Variants in PPP4R3B observed in about 807,000 individuals in gnomAD.
The protein encoded by PPP4R3B is protein phosphatase 4 regulatory subunit 3B, also known as serine/threonine-protein phosphatase 4 regulatory subunit 3B.
PPP4R3B carries 52 observed loss-of-function variants against 95.4 expected under a neutral mutation model. The ratio of observed to expected loss-of-function variants is 0.54; its 90% confidence interval spans 0.44 to 0.69. The LOEUF (loss-of-function observed/expected upper bound fraction) is 0.69. PPP4R3B is among the 30% of genes least tolerant of loss of function. The pLI, the probability that PPP4R3B is intolerant of heterozygous loss-of-function variation, is 0.00. For synonymous variants in PPP4R3B, 407 were observed against 343.9 expected (o/e 1.18, Z -2.03); for missense variants, 1,003 against 1,005.9 (o/e 1.00, Z 0.04).
intron 7 of PPP4R3B, among the ~76,000 whole-genome samples, chr2:55,584,844 G>T (rs923176805): frequency 6.6e-6 from 1 of 152,042 alleles, no homozygotes; most frequent in East Asian, 1.9e-4. Context: ...TCTCAATATT[G>T]GTTTGAATAT....
At chr2:55,578,188 T>G (rs1688946348) in intron 10 of PPP4R3B, 59 bp downstream of exon 10, 1 of 1,304,744 alleles carries the variant, frequency 7.7e-7, no homozygotes, top group African/African-American at 1.5e-5. Context: ...TAATACCGTA[T>G]ATACACATCA....
In PPP4R3B at chr2:55,561,357, C is replaced by T. The variant is rs546002086; in HGVS notation, c.2261-2389G>A. ...GGGGCAGAGCTCTTATGAAGAACCT[C>T]TACTAGGGCAGTGCGGAAGGGAAAT... On this transcript the variant is annotated intron_variant, in intron 15 of 16. Coordinates refer to ENST00000616407, the MANE Select transcript of PPP4R3B (RefSeq NM_001122964.3). Among the ~76,000 whole-genome samples the T allele has an allele frequency of 1.3e-4, 20 of 152,356 alleles. 1 individual carries two copies. In the South Asian group the frequency reaches 4.1e-3, roughly 32 times the overall value.
intron 13 of PPP4R3B, 28 bp downstream of exon 13, chr2:55,568,166 T>A (rs1040689891): frequency 7.2e-7 from 1 of 1,396,078 alleles, no homozygotes; most frequent in African/African-American, 1.5e-5. Context: ...TAATTACATA[T>A]AATAACAGCT....
chr2:55,613,987 C>A (rs538427131), intron 2 of PPP4R3B, among the ~76,000 whole-genome samples: 1 of 152,248 alleles, frequency 6.6e-6, no homozygotes, highest in Admixed American at 6.5e-5. Context: ...GTATAGGAAA[C>A]ATCTTCAGGT....
intron 11 of PPP4R3B, among the ~76,000 whole-genome samples, chr2:55,576,261 T>C (rs1397426476): frequency 6.6e-6 from 1 of 151,636 alleles, no homozygotes; most frequent in Non-Finnish European, 1.5e-5. Context: ...AGGCGGGAGA[T>C]GGTTTGAACC....
At position 55,617,393 on chromosome 2, in the gene PPP4R3B, G is replaced by A; in HGVS notation, c.-108C>T. 7.6e-7 allele frequency: 1 copy of A among 1,309,518 alleles called. No homozygotes were observed. Among genetic ancestry groups the A allele is most frequent in the African/African-American group, 1.5e-5 (1 of 66,694 alleles). 81.1% of individuals were successfully genotyped at this position (1,309,518 alleles called of 1,614,324 possible). On this transcript the variant is annotated 5_prime_UTR_variant, in exon 1 of 17. Transcript: ENST00000616407. ...CAGTAGTGGCGGTGGCGGCGGCGGC[G>A]GCTTCGGAGAGGCCCGAATTCACCA... is the stretch of plus-strand genomic sequence containing the variant.
chr2:55,573,841 G>A (rs552246439), intron 11 of PPP4R3B, 64 bp from the exon 12 acceptor site: 2 of 887,898 alleles, frequency 2.3e-6, no homozygotes, highest in East Asian at 7.0e-5. Context: ...AATAAATAAA[G>A]CTTACATCCT....
At chr2:55,574,624 T>G (rs1005195403) in intron 11 of PPP4R3B, among the ~76,000 whole-genome samples, 2 of 151,728 alleles carry the variant, frequency 1.3e-5, no homozygotes, top group Non-Finnish European at 2.9e-5. Context: ...TACAGAGTCT[T>G]GCTCTGTCGC....
chr2:55,553,412 A>C (rs1685474653), intron 16 of PPP4R3B, among the ~76,000 whole-genome samples: 1 of 152,184 alleles, frequency 6.6e-6, no homozygotes, highest in African/African-American at 2.4e-5. Context: ...AAAGCAGGGC[A>C]CTACTCTCTA....
In PPP4R3B at chr2:55,615,492, C is replaced by G. The variant is rs1694762522; in HGVS notation, c.157G>C (p.Glu53Gln). 6.3e-6 allele frequency: 10 copies of G among 1,588,436 alleles called. No individual in the cohort carries two copies. The East Asian group carries it at 2.3e-4, about 36-fold the overall frequency. ...GCAGTATTTGGATTTATCTTTGATT[C>G]CAAGAGTAGTGATCCTGAAAGATAA... Reference protein sequence around the residue: ...RAESDGSLLLESKINPNTAYQ... With the variant: ...RAESDGSLLLQSKINPNTAYQ... The change falls in exon 2 of 17, where the codon GAA becomes CAA. Residue 53 changes from glutamate (E) to glutamine (Q), a missense_variant. By Grantham distance (29) the Glu-to-Gln change is conservative. Around this residue, in one of 3 missense-constraint regions of PPP4R3B, gnomAD observed 695 missense variants for 686.2 expected, o/e 1.01. Coordinates refer to ENST00000616407, the MANE Select transcript of PPP4R3B (RefSeq NM_001122964.3).
rs917519354 is a variant in PPP4R3B, at chr2:55,578,252, G to A, written c.1559C>T (p.Ser520Phe). The change falls in exon 10 of 17, where the codon TCT (serine) becomes TTT (phenylalanine). Residue 520 changes from serine to phenylalanine, a missense_variant. Physicochemically the swap from Ser to Phe is radical, Grantham distance 155 (BLOSUM62 -2). Around this residue, in one of 3 missense-constraint regions of PPP4R3B, gnomAD observed 695 missense variants for 686.2 expected, o/e 1.01. Transcript: ENST00000616407. ...ACACTCCAAATTCAGCATACCTTGA[G>A]AGATGGAGGAAGAGGGGGTAGAATG... ...HSHSTPSSSI[S>F]QDNIVGSNKN... is the part of the protein sequence containing the mutation. 20 of 1,458,728 alleles carry A rather than the reference G, an allele frequency of 1.4e-5. No homozygotes were observed. In the African/African-American group the frequency reaches 2.7e-4, roughly 20 times the overall value. 90.4% of individuals were successfully genotyped at this position (1,458,728 alleles called of 1,614,324 possible). A position where few individuals can be genotyped will look rare whatever the true frequency, so the allele number is the denominator to read the frequency against.
intron 12 of PPP4R3B, among the ~76,000 whole-genome samples, chr2:55,571,691 T>C (rs756488340): frequency 6.6e-6 from 1 of 152,210 alleles, no homozygotes; most frequent in Non-Finnish European, 1.5e-5. Flanking sequence ...AGTGTTGCGA[T>C]TTCAGCTCAC....
intron 14 of PPP4R3B, 78 bp from the exon 15 acceptor site, chr2:55,564,575 A>G: frequency 8.1e-7 from 1 of 1,228,982 alleles, no homozygotes; most frequent in South Asian, 1.6e-5. Flanking sequence ...AAATATGTAT[A>G]ACCAAGATGA....
At chr2:55,564,818 G>C (rs1687081603) in intron 14 of PPP4R3B, 84 bp downstream of exon 14, 2 of 1,521,596 alleles carry the variant, frequency 1.3e-6, no homozygotes, top group African/African-American at 1.4e-5. Context: ...AAATTCCTCA[G>C]TAAATTTCAC....
At chr2:55,578,200 A>G in intron 10 of PPP4R3B, 47 bp downstream of exon 10, 11 of 1,328,874 alleles carry the variant, frequency 8.3e-6, no homozygotes, top group Non-Finnish European at 1.1e-5. Flanking sequence ...TACACATCAT[A>G]ACAACATAAG....
chr2:55,592,618 T>C (rs1439968862), intron 4 of PPP4R3B, among the ~76,000 whole-genome samples: 1 of 152,152 alleles, frequency 6.6e-6, no homozygotes, highest in Admixed American at 6.5e-5. Context: ...AACCTTAGCA[T>C]CTGCAAAATA....
chr2:55,604,795 G>GACACACACAC (rs3069140), intron 2 of PPP4R3B, among the ~76,000 whole-genome samples: 8 of 149,900 alleles, frequency 5.3e-5, no homozygotes, highest in Non-Finnish European at 8.9e-5. Context: ...ATAAAACATA[G>GACACACACAC]ACACACACAC....
chr2:55,597,076 T>C (rs777812761), intron 4 of PPP4R3B, among the ~76,000 whole-genome samples: 2 of 152,208 alleles, frequency 1.3e-5, no homozygotes, highest in Non-Finnish European at 2.9e-5. Context: ...GGGGAGTTAC[T>C]GTTCAATGGG....
chr2:55,549,901 A>G lies in PPP4R3B; in HGVS notation c.*10T>C. ...TAAGACCACATGTTGAGGGTCCCCT[A>G]ATAAATATTTTATGAGCCAAGACGA... On this transcript the variant is annotated 3_prime_UTR_variant, in exon 17 of 17. Transcript: ENST00000616407. 6.3e-7 allele frequency: 1 copy of G among 1,599,390 alleles called. No homozygotes were observed. The highest frequency in any genetic ancestry group is 8.6e-7 in the Non-Finnish European group (1 of 1,166,820).
Sources: gnomAD v4.1 joint callset for allele counts (sites outside exome capture counted in the v4.1 genomes callset) on GRCh38, gnomAD v4.1.1 for gene constraint, gnomAD v4.1.1 regional missense constraint, MANE v1.5 for transcripts, NCBI Gene and HGNC (gene_info 2026-07-23, HGNC 2026-07-21) for gene names.